Variants in ST6GAL1 observed in about 807,000 individuals in gnomAD.
ST6GAL1 encodes the protein ST6 beta-galactoside alpha-2,6-sialyltransferase 1.
ST6GAL1 carries 20 observed loss-of-function variants against 38.0 expected under a neutral mutation model. That is an observed-to-expected ratio of 0.53 (90% CI 0.37 to 0.77). The LOEUF (loss-of-function observed/expected upper bound fraction) is 0.77, where lower values mean the gene tolerates loss of function less well. Among genes scored for constraint, ST6GAL1 ranks in the 30% least tolerant of loss-of-function variants. ST6GAL1 has a pLI of 0.00. For synonymous variants in ST6GAL1, 196 were observed against 188.2 expected (o/e 1.04, Z -0.34); for missense variants, 432 against 496.4 (o/e 0.87, Z 1.23).
chr3:186,937,783 CTG>C (rs1317599558), intron 1 of ST6GAL1, among the ~76,000 whole-genome samples: 1 of 149,096 alleles, frequency 6.7e-6, no homozygotes, highest in African/African-American at 2.4e-5. Context: ...ATTAAAATAT[CTG>C]TGAAGAGCCA....
intron 2 of ST6GAL1, among the ~76,000 whole-genome samples, chr3:187,016,920 A>G (rs1477904120): frequency 6.6e-6 from 1 of 152,210 alleles, no homozygotes; most frequent in Non-Finnish European, 1.5e-5. Context: ...GCCCACCTCA[A>G]TGCAAGGGTG....
At chr3:186,986,994 A>C (rs533198753) in intron 2 of ST6GAL1, among the ~76,000 whole-genome samples, 1 of 152,246 alleles carries the variant, frequency 6.6e-6, no homozygotes, top group South Asian at 2.1e-4. Flanking sequence ...AGTGATATAC[A>C]GTGAATACAG....
intron 2 of ST6GAL1, among the ~76,000 whole-genome samples, chr3:187,018,624 C>T (rs891341186): frequency 1.3e-5 from 2 of 152,172 alleles, no homozygotes; most frequent in African/African-American, 4.8e-5. Context: ...ATTCTGGCTA[C>T]AATGGCAGCA....
At chr3:186,953,747 G>T (rs1465001317) in intron 1 of ST6GAL1, among the ~76,000 whole-genome samples, 1 of 151,420 alleles carries the variant, frequency 6.6e-6, no homozygotes, top group African/African-American at 2.4e-5. Flanking sequence ...TCCTCACAAT[G>T]ACATTTCAAA....
chr3:187,050,550 G>GAT (rs149175404), intron 4 of ST6GAL1, among the ~76,000 whole-genome samples: 3 of 147,172 alleles, frequency 2.0e-5, no homozygotes, highest in Non-Finnish European at 3.0e-5. Flanking sequence ...GAGAGAGAGA[G>GAT]AGAGAGAGAG....
At position 187,015,261 on chromosome 3, in the gene ST6GAL1, T is replaced by C. The variant is rs540720172; in HGVS notation, c.-182-23481T>C. 2.0e-5 allele frequency among the ~76,000 whole-genome samples: 3 copies of C among 152,340 alleles called. No homozygotes were observed. In the South Asian group the frequency reaches 6.2e-4, roughly 32 times the overall value. ...CTTCATAATTACTCCTTAGCAGACT[T>C]AGGCTGTTTCATGTCTAGGACCTTC... On this transcript the variant is annotated intron_variant, in intron 2 of 7. Coordinates refer to ENST00000169298, the MANE Select transcript of ST6GAL1 (RefSeq NM_173216.2).
chr3:186,965,186 G>T (rs1715063552), intron 2 of ST6GAL1, among the ~76,000 whole-genome samples: 1 of 152,152 alleles, frequency 6.6e-6, no homozygotes, highest in African/African-American at 2.4e-5. Context: ...CAACATCTGG[G>T]GCACATTTCC....
chr3:186,963,110 C>T (rs1327191282), intron 1 of ST6GAL1, among the ~76,000 whole-genome samples: 1 of 152,016 alleles, frequency 6.6e-6, no homozygotes, highest in Non-Finnish European at 1.5e-5. Flanking sequence ...CAAGGAAACA[C>T]AATTACTTTA....
At chr3:186,934,746 T>TTTTATTTA (rs146861695) in intron 1 of ST6GAL1, among the ~76,000 whole-genome samples, 112,982 of 150,326 alleles carry the variant, frequency 0.75, 42,757 homozygotes, top group South Asian at 0.8. Context: ...TTTTAAAAAA[T>TTTTATTTA]TTTATTTATT....
At chr3:186,979,209 A>G (rs1416025996) in intron 2 of ST6GAL1, among the ~76,000 whole-genome samples, 1 of 152,088 alleles carries the variant, frequency 6.6e-6, no homozygotes, top group Non-Finnish European at 1.5e-5. Flanking sequence ...TTTAACTGAA[A>G]TGTTAGGTTA....
intron 2 of ST6GAL1, among the ~76,000 whole-genome samples, chr3:187,002,155 C>A (rs752470331): frequency 1.3e-5 from 2 of 152,114 alleles, no homozygotes; most frequent in Non-Finnish European, 2.9e-5. Flanking sequence ...GGAGGCAAAT[C>A]AACATTTTCG....
chr3:187,011,350 AAC>A (rs1414554290), intron 2 of ST6GAL1, among the ~76,000 whole-genome samples: 1 of 152,242 alleles, frequency 6.6e-6, no homozygotes. Flanking sequence ...ATGAGAGGCA[AAC>A]ACAGACAGAT....
chr3:187,005,639 A>G (rs778767720), intron 2 of ST6GAL1, among the ~76,000 whole-genome samples: 4 of 152,076 alleles, frequency 2.6e-5, no homozygotes. Context: ...ACTTTCTCTT[A>G]TTACATGCAG....
chr3:187,049,125 AGGT>A (rs1718422614), intron 4 of ST6GAL1, among the ~76,000 whole-genome samples: 2 of 152,240 alleles, frequency 1.3e-5, no homozygotes, highest in African/African-American at 4.8e-5. Context: ...TCCTGACTTC[AGGT>A]GATCCACCCG....
At chr3:186,939,228 C>G (rs1488623790) in intron 1 of ST6GAL1, among the ~76,000 whole-genome samples, 1 of 152,126 alleles carries the variant, frequency 6.6e-6, no homozygotes, top group Non-Finnish European at 1.5e-5. Flanking sequence ...CATGCACCAC[C>G]ACACCCAGTT....
chr3:187,033,509 T>C (rs554178209), intron 2 of ST6GAL1, among the ~76,000 whole-genome samples: 2 of 152,252 alleles, frequency 1.3e-5, no homozygotes, highest in Non-Finnish European at 2.9e-5. Flanking sequence ...ATTTACATTT[T>C]TTCTAGACAG....
intron 1 of ST6GAL1, among the ~76,000 whole-genome samples, chr3:186,944,841 G>C (rs1714300813): frequency 6.6e-6 from 1 of 152,206 alleles, no homozygotes; most frequent in African/African-American, 2.4e-5. Context: ...CCAAGACTTA[G>C]TCACATAGAT....
chr3:187,067,913 T>C (rs1233943441), intron 5 of ST6GAL1, among the ~76,000 whole-genome samples: 1 of 152,168 alleles, frequency 6.6e-6, no homozygotes, highest in Non-Finnish European at 1.5e-5. Context: ...AGCTGTGACA[T>C]ACTACAACTC....
Position 187,076,716 on chromosome 3 carries a change from TTG to T in ST6GAL1, c.*917_*918del. ...GCAGATTACATCTGAGCCGTTTGAA[TTG>T]TGTTTTTCTTTCTTCCCATGTTTAT... On this transcript the variant is annotated 3_prime_UTR_variant, in exon 8 of 8. Transcript: ENST00000169298. The T allele has an allele frequency of 2.5e-6, 1 of 397,566 alleles. No homozygotes were observed. The highest frequency in any genetic ancestry group is 3.6e-5 in the East Asian group (1 of 28,044). The allele number at this position is 397,566 out of a possible 1,614,324, so 24.6% of individuals were successfully genotyped here. A position where few individuals can be genotyped will look rare whatever the true frequency, so the allele number is the denominator to read the frequency against.
Sources: allele counts gnomAD v4.1 joint callset (sites outside exome capture counted in the v4.1 genomes callset), GRCh38; gene constraint gnomAD v4.1.1; transcripts MANE v1.5; gene names NCBI Gene and HGNC (gene_info 2026-07-23, HGNC 2026-07-21).